Variants in INPP4B observed in about 807,000 individuals in gnomAD.
INPP4B encodes inositol polyphosphate 4-phosphatase type II.
In INPP4B, 55 loss-of-function variants were observed where a neutral mutation model predicts 122.5. The observed-to-expected ratio is 0.45, with a 90% CI of 0.36 to 0.56. The LOEUF (loss-of-function observed/expected upper bound fraction) is 0.56, where lower values mean the gene tolerates loss of function less well. INPP4B is among the 20% of genes least tolerant of loss of function. INPP4B has a pLI of 0.00. For missense variants in INPP4B, 1,000 were observed against 1,097.7 expected (o/e 0.91, Z 1.26); for synonymous variants, 403 against 388.7 (o/e 1.04, Z -0.43).
chr4:142,049,635 G>T (rs994989795), intron 25 of INPP4B, among the ~76,000 whole-genome samples: 4 of 151,862 alleles, frequency 2.6e-5, no homozygotes, highest in Admixed American at 1.3e-4. Flanking sequence ...ATTTAAAAAA[G>T]CAACAATAAT....
intron 2 of INPP4B, among the ~76,000 whole-genome samples, chr4:142,472,966 C>T (rs1312888328): frequency 1.3e-5 from 2 of 152,210 alleles, no homozygotes; most frequent in Non-Finnish European, 2.9e-5. Flanking sequence ...TACCAATTAT[C>T]AGTCTTGGTA....
chr4:142,205,332 TA>T (rs1209827733), intron 14 of INPP4B, among the ~76,000 whole-genome samples: 1 of 152,152 alleles, frequency 6.6e-6, no homozygotes, highest in Non-Finnish European at 1.5e-5. Context: ...CACTGTCATC[TA>T]CCCATGGCTG....
At chr4:142,668,986 G>A (rs1350959864) in intron 2 of INPP4B, among the ~76,000 whole-genome samples, 1 of 152,110 alleles carries the variant, frequency 6.6e-6, no homozygotes, top group Non-Finnish European at 1.5e-5. Flanking sequence ...AACTCAGGAG[G>A]TGGAGCTTGC....
chr4:142,496,826 C>T (rs1224159902), intron 2 of INPP4B: 1 of 151,966 alleles, frequency 6.6e-6, no homozygotes, highest in Non-Finnish European at 1.5e-5. Context: ...TTAACTTCAT[C>T]ACAACAGTGA....
intron 1 of INPP4B, among the ~76,000 whole-genome samples, chr4:142,783,034 A>C (rs1397826787): frequency 4.0e-5 from 6 of 151,756 alleles, no homozygotes; most frequent in Admixed American, 2.6e-4. Context: ...TAAAGACTTA[A>C]ACGTTAGACC....
chr4:142,845,220 C>T (rs1308659851), intron 1 of INPP4B, among the ~76,000 whole-genome samples: 1 of 152,132 alleles, frequency 6.6e-6, no homozygotes, highest in East Asian at 1.9e-4. Context: ...AACTGCTGGG[C>T]CCCTCTCCAC....
chr4:142,467,742 G>A (rs899910640), intron 2 of INPP4B, among the ~76,000 whole-genome samples: 2 of 152,018 alleles, frequency 1.3e-5, no homozygotes, highest in African/African-American at 2.4e-5. Flanking sequence ...GATATGGTTT[G>A]GATGTTTGTC....
intron 23 of INPP4B, among the ~76,000 whole-genome samples, chr4:142,104,308 C>T (rs1415898653): frequency 3.3e-5 from 5 of 152,124 alleles, no homozygotes; most frequent in African/African-American, 1.2e-4. Context: ...TAGTGATTTA[C>T]AGACGTACTA....
rs1051761331 is a variant in INPP4B, at chr4:142,594,238, A to G, written c.-190-131512T>C. 5.6e-5 allele frequency among the ~76,000 whole-genome samples: 6 copies of G among 107,648 alleles called. No individual in the cohort carries two copies. The South Asian group carries it at 1.7e-3, about 30-fold the overall frequency. 70.6% of individuals were successfully genotyped at this position (107,648 alleles called of 152,430 possible). On this transcript the variant is annotated intron_variant, in intron 2 of 25. Transcript: ENST00000262992. ...CAGACATTTCCCAGTGTAGATCTTT[A>G]TTCTTCTGTTGAATTATTTCTTGAG...
At chr4:142,263,530 T>A (rs2150427410) in intron 10 of INPP4B, among the ~76,000 whole-genome samples, 1 of 150,920 alleles carries the variant, frequency 6.6e-6, no homozygotes, top group South Asian at 2.1e-4. Context: ...TGACTTAGAC[T>A]GTTTCAGGCA....
chr4:142,773,030 T>C (rs959233550), intron 1 of INPP4B, among the ~76,000 whole-genome samples: 1 of 151,814 alleles, frequency 6.6e-6, no homozygotes, highest in Non-Finnish European at 1.5e-5. Flanking sequence ...TGGGTGACAG[T>C]GAAACTTTGT....
At chr4:142,383,722 T>C (rs1421691922) in intron 7 of INPP4B, 1 of 208,220 alleles carries the variant, frequency 4.8e-6, no homozygotes, top group Non-Finnish European at 9.5e-6. Context: ...TGTGTAGTAA[T>C]AGTTCAGAAA....
intron 17 of INPP4B, 114 bp downstream of exon 17, chr4:142,160,244 C>T: frequency 1.4e-6 from 1 of 728,042 alleles, no homozygotes; most frequent in Non-Finnish European, 2.0e-6. Context: ...TATCCACAAT[C>T]AGTGTTATAA....
At chr4:142,280,630 A>G (rs1034083444) in intron 9 of INPP4B, among the ~76,000 whole-genome samples, 12 of 151,914 alleles carry the variant, frequency 7.9e-5, no homozygotes, top group Admixed American at 7.9e-4. Flanking sequence ...AATTCATAGA[A>G]CTGTACAACA....
intron 2 of INPP4B, among the ~76,000 whole-genome samples, chr4:142,680,083 G>T (rs1056866782): frequency 1.3e-5 from 2 of 151,742 alleles, no homozygotes; most frequent in Admixed American, 6.6e-5. Flanking sequence ...TTTGAGTTCT[G>T]ATTTAGAGCT....
intron 2 of INPP4B, among the ~76,000 whole-genome samples, chr4:142,648,039 C>G (rs144519069): frequency 6.6e-6 from 1 of 152,300 alleles, no homozygotes; most frequent in South Asian, 2.1e-4. Context: ...AAATCTGAAA[C>G]GAGTTAAAAT....
chr4:142,649,562 A>T (rs1157607011), intron 2 of INPP4B, among the ~76,000 whole-genome samples: 1 of 152,238 alleles, frequency 6.6e-6, no homozygotes, highest in Non-Finnish European at 1.5e-5. Context: ...GAACTTCGTG[A>T]TGCATACATA....
At chr4:142,595,910 C>T (rs1483203545) in intron 2 of INPP4B, among the ~76,000 whole-genome samples, 1 of 151,926 alleles carries the variant, frequency 6.6e-6, no homozygotes, top group African/African-American at 2.4e-5. Flanking sequence ...AGTGCAGTGG[C>T]ACCATCTTGG....
chr4:142,389,535 G>C (rs538205339), intron 7 of INPP4B, among the ~76,000 whole-genome samples: 86 of 152,310 alleles, frequency 5.6e-4, no homozygotes, highest in African/African-American at 2.1e-3. Flanking sequence ...AAGCAGATCA[G>C]ATATTAGGTT....
Sources: gnomAD v4.1 joint callset for allele counts (sites outside exome capture counted in the v4.1 genomes callset) on GRCh38, gnomAD v4.1.1 for gene constraint, MANE v1.5 for transcripts, NCBI Gene and HGNC (gene_info 2026-07-23, HGNC 2026-07-21) for gene names.